The following LRRC3B variants were observed in gnomAD, a reference collection of about 807,000 sequenced individuals.
The protein encoded by LRRC3B is leucine-rich repeat-containing protein 3B.
LRRC3B carries 2 observed loss-of-function variants against 12.8 expected under a neutral mutation model. That is an observed-to-expected ratio of 0.16 (90% CI 0.06 to 0.49). The LOEUF (loss-of-function observed/expected upper bound fraction) is 0.49. Among genes scored for constraint, LRRC3B ranks in the 20% least tolerant of loss-of-function variants. The pLI is 0.96. For missense variants in LRRC3B, 189 were observed against 319.4 expected, an observed-to-expected ratio of 0.59 and a Z score of 3.11; for synonymous variants, 132 against 122.0, an observed-to-expected ratio of 1.08 and a Z score of -0.54.
intron 1 of LRRC3B, among the ~76,000 whole-genome samples, chr3:26,700,161 A>G (rs1417708181): frequency 6.6e-6 from 1 of 152,158 alleles, no homozygotes; most frequent in Non-Finnish European, 1.5e-5. Flanking sequence ...ACTGACTGAG[A>G]TCTAGAACAA....
chr3:26,687,372 C>T (rs1212918102), intron 1 of LRRC3B, among the ~76,000 whole-genome samples: 2 of 152,134 alleles, frequency 1.3e-5, no homozygotes, highest in Admixed American at 1.3e-4. Context: ...ATCAGTGTAT[C>T]CTCTGCATTA....
intron 1 of LRRC3B, among the ~76,000 whole-genome samples, chr3:26,669,552 T>C (rs1045273217): frequency 4.6e-5 from 7 of 152,218 alleles, no homozygotes; most frequent in South Asian, 2.1e-4. Context: ...ATCATGTAGC[T>C]GAACTCCAAT....
At chr3:26,649,439 G>C (rs1052667226) in intron 1 of LRRC3B, among the ~76,000 whole-genome samples, 1 of 149,360 alleles carries the variant, frequency 6.7e-6, no homozygotes, top group East Asian at 2.0e-4. Context: ...AGGAAGCGAA[G>C]AGAACACTTC....
chr3:26,686,983 C>A (rs931745397), intron 1 of LRRC3B, among the ~76,000 whole-genome samples: 5 of 152,134 alleles, frequency 3.3e-5, no homozygotes, highest in Non-Finnish European at 7.4e-5. Context: ...GAGACAATCC[C>A]CGAATGGGTC....
chr3:26,681,207 GCGAATC>G (rs1199302599), intron 1 of LRRC3B, among the ~76,000 whole-genome samples: 2 of 152,088 alleles, frequency 1.3e-5, no homozygotes, highest in East Asian at 3.8e-4. Flanking sequence ...AATTAACAAT[GCGAATC>G]CTTTGGGATC....
At chr3:26,692,849 A>C (rs1013566841) in intron 1 of LRRC3B, among the ~76,000 whole-genome samples, 1 of 152,172 alleles carries the variant, frequency 6.6e-6, no homozygotes, top group South Asian at 2.1e-4. Context: ...TTGGCTCCTT[A>C]GCCTATGGTC....
At chr3:26,661,856 AACACCCAAAGTTGGTCTCTG>A (rs1345390290) in intron 1 of LRRC3B, among the ~76,000 whole-genome samples, 1 of 152,148 alleles carries the variant, frequency 6.6e-6, no homozygotes, top group African/African-American at 2.4e-5. Context: ...GCTCAGGATC[AACACCCAAAGTTGGTCTCTG>A]ACACTTCTGT....
At chr3:26,648,830 C>G (rs921962554) in intron 1 of LRRC3B, among the ~76,000 whole-genome samples, 8 of 152,318 alleles carry the variant, frequency 5.3e-5, no homozygotes, top group African/African-American at 1.9e-4. Flanking sequence ...GTAATATGGA[C>G]TCTGCCTTAA....
At chr3:26,675,712 A>C (rs1345175238) in intron 1 of LRRC3B, among the ~76,000 whole-genome samples, 1 of 152,238 alleles carries the variant, frequency 6.6e-6, no homozygotes, top group Non-Finnish European at 1.5e-5. Context: ...TCAATTAAAT[A>C]ATTACAGCGT....
At chr3:26,642,803 A>G (rs143722468) in intron 1 of LRRC3B, among the ~76,000 whole-genome samples, 4,799 of 152,132 alleles carry the variant, frequency 0.032, 139 homozygotes, top group East Asian at 0.13. Context: ...CAGATCACGA[A>G]GTCAGGAGAT....
intron 1 of LRRC3B, among the ~76,000 whole-genome samples, chr3:26,669,676 AT>A: frequency 6.6e-6 from 1 of 152,330 alleles, no homozygotes; most frequent in Non-Finnish European, 1.5e-5. Context: ...CCTATTTGCC[AT>A]TTAAAGAAAA....
chr3:26,690,961 A>G (rs939341798), intron 1 of LRRC3B, among the ~76,000 whole-genome samples: 2 of 150,876 alleles, frequency 1.3e-5, no homozygotes, highest in Non-Finnish European at 3.0e-5. Flanking sequence ...ATATTAGTTG[A>G]TTGGCTTTTC....
intron 1 of LRRC3B, among the ~76,000 whole-genome samples, chr3:26,683,652 A>G (rs1297952282): frequency 6.6e-6 from 1 of 152,178 alleles, no homozygotes; most frequent in Admixed American, 6.5e-5. Context: ...ACCCTATTGA[A>G]ACAATGAAAC....
At chr3:26,709,812 A>G in exon 2 of LRRC3B, 1 of 1,614,096 alleles carries the variant, frequency 6.2e-7, no homozygotes, top group Non-Finnish European at 8.5e-7. Flanking sequence ...GGGGGTTTAA[A>G]TGTCACCTGT....
At chr3:26,707,528 A>C (rs533520746) in intron 1 of LRRC3B, among the ~76,000 whole-genome samples, 2 of 152,244 alleles carry the variant, frequency 1.3e-5, no homozygotes, top group African/African-American at 4.8e-5. Context: ...TCTATGCCAA[A>C]CTCCTTTAAT....
chr3:26,661,788 T>C (rs914238328), intron 1 of LRRC3B, among the ~76,000 whole-genome samples: 22 of 152,200 alleles, frequency 1.4e-4, no homozygotes, highest in African/African-American at 5.3e-4. Flanking sequence ...AGAACTTGGT[T>C]GATGCAGTTT....
At chr3:26,640,471 G>GCAAACA (rs749880237) in intron 1 of LRRC3B, among the ~76,000 whole-genome samples, 5,169 of 133,372 alleles carry the variant, frequency 0.039, 169 homozygotes, top group East Asian at 0.18. Context: ...ACAAACAAAT[G>GCAAACA]AAAACGCTGC....
chr3:26,663,285 C>T (rs1312526195), intron 1 of LRRC3B, among the ~76,000 whole-genome samples: 2 of 152,146 alleles, frequency 1.3e-5, no homozygotes, highest in African/African-American at 4.8e-5. Flanking sequence ...GCAGCTTACT[C>T]TGTTGAAAGC....
intron 1 of LRRC3B, among the ~76,000 whole-genome samples, chr3:26,632,466 G>A (rs1261771721): frequency 2.0e-5 from 3 of 152,140 alleles, no homozygotes; most frequent in Non-Finnish European, 4.4e-5. Flanking sequence ...TTATCAGAAA[G>A]AAACCTATAA....
Sources: allele counts gnomAD v4.1 joint callset (sites outside exome capture counted in the v4.1 genomes callset), GRCh38; gene constraint gnomAD v4.1.1; transcripts MANE v1.5; gene names NCBI Gene and HGNC (gene_info 2026-07-23, HGNC 2026-07-21).